PHKB: variants seen among roughly 807,000 people sequenced by gnomAD.
The protein encoded by PHKB is phosphorylase kinase regulatory subunit beta, also known as phosphorylase b kinase regulatory subunit beta.
In PHKB, 122 loss-of-function variants were observed where a neutral mutation model predicts 152.1. That is an observed-to-expected ratio of 0.80 (90% CI 0.69 to 0.93). The LOEUF is 0.93. Ranked by LOEUF, PHKB falls within the 40% of genes least tolerant of loss-of-function variation. PHKB has a pLI of 0.00. For missense variants in PHKB, 1,304 were observed against 1,328.4 expected (o/e 0.98, Z 0.29); for synonymous variants, 436 against 464.9 (o/e 0.94, Z 0.80).
chr16:47,542,903 G>A (rs1971087009), intron 6 of PHKB, among the ~76,000 whole-genome samples: 1 of 152,220 alleles, frequency 6.6e-6, no homozygotes, highest in African/African-American at 2.4e-5. Context: ...ATTTTGGGCT[G>A]AGACAGTGGG....
chr16:47,696,470 C>G lies in PHKB; in HGVS notation c.2985C>G (p.Tyr995Ter), dbSNP rs142163694. ...DTLGNIDQPQ[Y>*]RQIVVELLMV... is the part of the protein sequence containing the mutation. ...TGGGAAATATTGACCAGCCACAGTA[C>G]AGACAGATCGTTGTAGAGGTGAGTA... The change falls in exon 29 of 31, where the codon TAC (tyrosine) becomes TAG (stop). Residue 995 changes from tyrosine to a stop codon, truncating the protein, a stop_gained. Transcript: ENST00000323584. LOFTEE classifies it high-confidence loss of function. 1.3e-6 allele frequency: 2 copies of G among 1,587,836 alleles called. No homozygotes were observed. Among genetic ancestry groups the G allele is most frequent in the Non-Finnish European group, 1.7e-6 (2 of 1,156,012 alleles).
At chr16:47,646,600 A>G (rs1209935775) in intron 16 of PHKB, among the ~76,000 whole-genome samples, 2 of 150,772 alleles carry the variant, frequency 1.3e-5, no homozygotes, top group African/African-American at 2.4e-5. Flanking sequence ...AAGTTACAGA[A>G]CATACAAAGA....
At chr16:47,526,364 C>T (rs573561548) in intron 6 of PHKB, among the ~76,000 whole-genome samples, 4 of 151,748 alleles carry the variant, frequency 2.6e-5, no homozygotes, top group South Asian at 2.1e-4. Context: ...GAGCCGAGAT[C>T]GTGCCATTGC....
intron 8 of PHKB, among the ~76,000 whole-genome samples, chr16:47,580,571 A>G (rs987159215): frequency 2.0e-5 from 3 of 151,612 alleles, no homozygotes; most frequent in Non-Finnish European, 4.4e-5. Flanking sequence ...AAAAAAAAAA[A>G]AAAAGAAAAT....
chr16:47,489,052 A>G (rs1289559637), intron 1 of PHKB, among the ~76,000 whole-genome samples: 1 of 151,554 alleles, frequency 6.6e-6, no homozygotes, highest in Admixed American at 6.6e-5. Flanking sequence ...CTGTTTTTTT[A>G]TTTGTATTTG....
intron 8 of PHKB, among the ~76,000 whole-genome samples, chr16:47,581,276 T>A (rs369973792): frequency 5.6e-4 from 85 of 152,322 alleles, no homozygotes; most frequent in African/African-American, 1.9e-3. Context: ...CCTTCTTACG[T>A]ACACAAGCAC....
chr16:47,604,391 G>T (rs1476492732), intron 13 of PHKB, among the ~76,000 whole-genome samples: 3 of 152,016 alleles, frequency 2.0e-5, no homozygotes, highest in African/African-American at 7.2e-5. Flanking sequence ...ATTTTAGAAA[G>T]TCCATCCTTG....
At chr16:47,473,218 ATTTTTTTTTTTT>A (rs1043960499) in intron 1 of PHKB, among the ~76,000 whole-genome samples, 1,112 of 48,772 alleles carry the variant, frequency 0.023, 18 homozygotes, top group East Asian at 0.17. Context: ...TGCCTGGCTA[ATTTTTTTTTTTT>A]TTTTTTTTTT....
chr16:47,555,093 T>C (rs1270147685), intron 7 of PHKB, among the ~76,000 whole-genome samples: 1 of 152,236 alleles, frequency 6.6e-6, no homozygotes, highest in Non-Finnish European at 1.5e-5. Flanking sequence ...CTTTACTCAG[T>C]TTAAGAGGCT....
chr16:47,558,000 A>G (rs1209035641), intron 7 of PHKB, among the ~76,000 whole-genome samples: 3 of 151,758 alleles, frequency 2.0e-5, no homozygotes, highest in Admixed American at 6.6e-5. Context: ...TCCAACAATG[A>G]TAGACTGGAT....
intron 7 of PHKB, among the ~76,000 whole-genome samples, chr16:47,579,739 G>A (rs939486469): frequency 6.6e-6 from 1 of 152,044 alleles, no homozygotes; most frequent in African/African-American, 2.4e-5. Flanking sequence ...TATTATAAAG[G>A]GAAGAATATA....
At chr16:47,461,790 C>G (rs565756017) in intron 1 of PHKB, among the ~76,000 whole-genome samples, 2 of 152,330 alleles carry the variant, frequency 1.3e-5, no homozygotes, top group Admixed American at 1.3e-4. Flanking sequence ...TGAATGTTCT[C>G]TGCAAAAGTC....
intron 2 of PHKB, among the ~76,000 whole-genome samples, chr16:47,497,751 C>T (rs1401694389): frequency 1.3e-5 from 2 of 152,050 alleles, no homozygotes; most frequent in Admixed American, 1.3e-4. Context: ...CTAAACATTA[C>T]CAGATTTGAG....
At chr16:47,604,293 TATTTTCA>T (rs1972285630) in intron 13 of PHKB, among the ~76,000 whole-genome samples, 1 of 152,242 alleles carries the variant, frequency 6.6e-6, no homozygotes, top group African/African-American at 2.4e-5. Context: ...GCTTTTGCTA[TATTTTCA>T]TGAGCAGAAG....
At chr16:47,490,206 CAA>C (rs1970124599) in intron 1 of PHKB, among the ~76,000 whole-genome samples, 1 of 152,130 alleles carries the variant, frequency 6.6e-6, no homozygotes, top group Non-Finnish European at 1.5e-5. Flanking sequence ...TTACAATCTA[CAA>C]AGTTATCAGA....
intron 14 of PHKB, among the ~76,000 whole-genome samples, chr16:47,611,710 A>G (rs183495392): frequency 5.3e-4 from 81 of 152,318 alleles, no homozygotes; most frequent in African/African-American, 1.6e-3. Flanking sequence ...GCTTGTTTTA[A>G]TAAGAGAAAG....
chr16:47,668,537 C>G (rs1002578481), intron 25 of PHKB, among the ~76,000 whole-genome samples: 1 of 152,100 alleles, frequency 6.6e-6, no homozygotes, highest in Non-Finnish European at 1.5e-5. Context: ...GAGAGAGAGA[C>G]CAGCTTATTC....
intron 2 of PHKB, among the ~76,000 whole-genome samples, chr16:47,497,927 T>C (rs1379755646): frequency 6.6e-6 from 1 of 152,170 alleles, no homozygotes; most frequent in Non-Finnish European, 1.5e-5. Flanking sequence ...ATCAGGGCGC[T>C]TGTGTTTTGT....
chr16:47,473,939 A>G (rs1969824905), intron 1 of PHKB, among the ~76,000 whole-genome samples: 2 of 152,214 alleles, frequency 1.3e-5, no homozygotes, highest in Non-Finnish European at 2.9e-5. Flanking sequence ...TATAGCCACC[A>G]TTCTGTACAG....
Sources: allele counts gnomAD v4.1 joint callset (sites outside exome capture counted in the v4.1 genomes callset), GRCh38; gene constraint gnomAD v4.1.1; transcripts MANE v1.5; gene names NCBI Gene and HGNC (gene_info 2026-07-23, HGNC 2026-07-21).